The following ZSWIM3 variants were observed in gnomAD, a reference collection of about 807,000 sequenced individuals.
ZSWIM3 encodes the protein zinc finger SWIM domain-containing protein 3.
Under a neutral mutation model 47.5 loss-of-function variants are expected in ZSWIM3, and 27 were observed. The observed-to-expected ratio is 0.57, with a 90% CI of 0.42 to 0.78. ZSWIM3 has a LOEUF of 0.78. ZSWIM3 is among the 30% of genes least tolerant of loss of function. The probability of loss-of-function intolerance (pLI) is 0.00; values close to 1 mark genes in which losing one functional copy is unlikely to be tolerated. For synonymous variants in ZSWIM3, 333 were observed against 333.9 expected (o/e 1.00, Z 0.03); for missense variants, 689 against 861.3 (o/e 0.80, Z 2.50).
Position 45,869,081 on chromosome 20 carries a change from C to T in ZSWIM3, c.156-7633C>T, listed in dbSNP as rs372274339. On this transcript the variant is annotated intron_variant, in intron 1 of 1. Transcript: ENST00000255152. ...CCTCCCAAAGTGCTGGGATTACAGGCGTCAGCCACTGTGCCCGGCCCTGCT... is the reference window on the plus strand; with the variant it reads ...CCTCCCAAAGTGCTGGGATTACAGGTGTCAGCCACTGTGCCCGGCCCTGCT... Among the ~76,000 whole-genome samples the T allele has an allele frequency of 3.5e-4, 53 of 152,188 alleles. No homozygotes were observed. The East Asian group carries it at 4.8e-3, about 14-fold the overall frequency.
At chr20:45,858,147 C>A (rs1044794595) in intron 1 of ZSWIM3, among the ~76,000 whole-genome samples, 167 bp downstream of exon 1, 7 of 152,200 alleles carry the variant, frequency 4.6e-5, no homozygotes, top group African/African-American at 1.7e-4. Context: ...GAGAGCTAAG[C>A]CTCCACGGCC....
intron 1 of ZSWIM3, among the ~76,000 whole-genome samples, chr20:45,859,438 A>AAAAG (rs71181868): frequency 0.033 from 4,838 of 146,632 alleles, 162 homozygotes; most frequent in African/African-American, 0.077. Context: ...AAAAAAAAAA[A>AAAAG]AAGAAATGTA....
intron 1 of ZSWIM3, chr20:45,872,706 G>A (rs1352948543): frequency 1.6e-6 from 2 of 1,287,218 alleles, no homozygotes; most frequent in Admixed American, 4.7e-5. Context: ...CAAGGCTGGA[G>A]AGACAAGCGG....
chr20:45,878,463 G>T lies in ZSWIM3; in HGVS notation c.1905G>T (p.Gly635=). 1.9e-6 allele frequency: 3 copies of T among 1,614,222 alleles called. No individual in the cohort carries two copies. The highest frequency in any genetic ancestry group is 2.2e-5 in the East Asian group (1 of 44,888). Residue 635 remains glycine, a synonymous_variant, in exon 2 of 2, where the codon GGG becomes GGT. Coordinates refer to ENST00000255152, the MANE Select transcript of ZSWIM3 (RefSeq NM_080752.4). ...ELANLLMQTE[G]PELEERYSTL... ...CAAACCTGCTCATGCAGACCGAGGG[G>T]CCAGAGCTGGAGGAACGCTACTCCA...
Position 45,877,866 on chromosome 20 carries a change from A to C in ZSWIM3, c.1308A>C (p.Thr436=). Reference sequence around the variant, plus strand: ...CCAAAGGCTTGAAGAACTTGCCCACACCTCCTCCCAAATTAAAGAGAGCTC... The same window carrying C: ...CCAAAGGCTTGAAGAACTTGCCCACCCCTCCTCCCAAATTAAAGAGAGCTC... ...FNTKGLKNLP[T]PPPKLKRARP... is the part of the protein sequence containing the mutation. Residue 436 remains threonine, a synonymous_variant, in exon 2 of 2, where the codon ACA becomes ACC. Transcript: ENST00000255152. The C allele has an allele frequency of 6.2e-7, 1 of 1,613,922 alleles. No homozygotes were observed. Among genetic ancestry groups the C allele is most frequent in the Non-Finnish European group, 8.5e-7 (1 of 1,179,998 alleles).
chr20:45,857,935 G>A lies in ZSWIM3; in HGVS notation c.110G>A (p.Arg37His), dbSNP rs759996262. 3 of 1,396,680 alleles carry A rather than the reference G, an allele frequency of 2.1e-6. No homozygotes were observed. Among genetic ancestry groups the A allele is most frequent in the Non-Finnish European group, 2.9e-6 (3 of 1,049,414 alleles). The allele number at this position is 1,396,680 out of a possible 1,614,324, so 86.5% of individuals were successfully genotyped here. The part of the protein sequence containing the change: ...SFILRDCVSV[R>H]FHNLNHGTSI... ...ATTCTCAGGGACTGCGTCTCCGTCC[G>A]CTTCCACAACCTCAACCATGGCACC... is the stretch of plus-strand genomic sequence containing the variant. The change falls in exon 1 of 2, where the codon CGC becomes CAC. Residue 37 changes from arginine to histidine, a missense_variant. Coordinates refer to ENST00000255152, the MANE Select transcript of ZSWIM3 (RefSeq NM_080752.4).
chr20:45,867,525 A>C (rs1985876490), intron 1 of ZSWIM3, among the ~76,000 whole-genome samples: 1 of 152,188 alleles, frequency 6.6e-6, no homozygotes, highest in African/African-American at 2.4e-5. Context: ...GCTGACAAGG[A>C]TGTAAAGCTT....
At chr20:45,861,855 T>G (rs1260976167) in intron 1 of ZSWIM3, among the ~76,000 whole-genome samples, 1 of 151,810 alleles carries the variant, frequency 6.6e-6, no homozygotes, top group Non-Finnish European at 1.5e-5. Context: ...AGTGTTGGGA[T>G]TACAGATATG....
Position 45,857,757 on chromosome 20 carries a change from C to A in ZSWIM3, c.-69C>A, listed in dbSNP as rs905931150. ...CTGCCTATAAACCCTCATAGTGTGA[C>A]CTTTGACCCCTGGTGTGATCTTGGG... On this transcript the variant is annotated 5_prime_UTR_variant, in exon 1 of 2. Coordinates refer to ENST00000255152, the MANE Select transcript of ZSWIM3 (RefSeq NM_080752.4). 6.4e-7 allele frequency: 1 copy of A among 1,568,512 alleles called. No homozygotes were observed.
At position 45,878,449 on chromosome 20, in the gene ZSWIM3, A is replaced by G. The variant is rs773156129; in HGVS notation, c.1891A>G (p.Met631Val). 1.9e-6 allele frequency: 3 copies of G among 1,614,096 alleles called. No homozygotes were observed. The highest frequency in any genetic ancestry group is 4.5e-5 in the East Asian group (2 of 44,896). The change falls in exon 2 of 2, where the codon ATG (methionine) becomes GTG (valine). Residue 631 changes from methionine (M) to valine (V), a missense_variant. By Grantham distance (21) the Met-to-Val change is conservative (BLOSUM62 1). Coordinates refer to ENST00000255152, the MANE Select transcript of ZSWIM3 (RefSeq NM_080752.4). ...DLSRELANLL[M>V]QTEGPELEER... ...AAGCAGGGAGTTAGCAAACCTGCTC[A>G]TGCAGACCGAGGGGCCAGAGCTGGA...
intron 1 of ZSWIM3, among the ~76,000 whole-genome samples, chr20:45,861,324 G>A (rs111652299): frequency 1.1e-4 from 16 of 152,154 alleles, no homozygotes; most frequent in African/African-American, 3.6e-4. Context: ...GCTGCGGCAG[G>A]AGGATTGCTT....
At chr20:45,869,967 C>G (rs6130957) in intron 1 of ZSWIM3, among the ~76,000 whole-genome samples, 76,960 of 149,392 alleles carry the variant, frequency 0.52, 20,373 homozygotes, top group Admixed American at 0.6. Flanking sequence ...TCGCTGGAAC[C>G]CAGGAGGCGG....
In ZSWIM3 at chr20:45,877,971, G is replaced by T; in HGVS notation, c.1413G>T (p.Glu471Asp). The T allele has an allele frequency of 1.2e-6, 2 of 1,614,154 alleles. No homozygotes were observed. The highest frequency in any genetic ancestry group is 1.7e-6 in the Non-Finnish European group (2 of 1,180,050). ...GESLTSLPAE[E>D]TKPDAQQVQV... is the part of the protein sequence containing the mutation. ...GCCTTACCAGCCTCCCTGCAGAAGA[G>T]ACCAAGCCAGACGCACAGCAGGTAC... The change falls in exon 2 of 2, where the codon GAG becomes GAT. Residue 471 changes from glutamate to aspartate, a missense_variant. By Grantham distance (45) the Glu-to-Asp change is conservative. Coordinates refer to ENST00000255152, the MANE Select transcript of ZSWIM3 (RefSeq NM_080752.4).
chr20:45,876,535 C>G (rs1377308213), intron 1 of ZSWIM3, among the ~76,000 whole-genome samples, 179 bp from the exon 2 acceptor site: 1 of 151,894 alleles, frequency 6.6e-6, no homozygotes, highest in Non-Finnish European at 1.5e-5. Context: ...GCCAGGGTCT[C>G]TCCATGTTGC....
intron 1 of ZSWIM3, 120 bp from the exon 2 acceptor site, chr20:45,876,594 C>T (rs775749507): frequency 7.2e-6 from 9 of 1,250,076 alleles, no homozygotes; most frequent in Non-Finnish European, 8.8e-6. Context: ...CCACCTCAGC[C>T]TCCCAAAGTG....
chr20:45,866,511 AT>A (rs1274442850), intron 1 of ZSWIM3, among the ~76,000 whole-genome samples: 1 of 151,692 alleles, frequency 6.6e-6, no homozygotes, highest in South Asian at 2.1e-4. Flanking sequence ...TGTGGGGATG[AT>A]TAAGGAAATT....
Position 45,877,933 on chromosome 20 carries a change from A to G in ZSWIM3, c.1375A>G (p.Ile459Val). Residue 459 changes from isoleucine (I) to valine (V), a missense_variant, in exon 2 of 2, where the codon ATC becomes GTC. Coordinates refer to ENST00000255152, the MANE Select transcript of ZSWIM3 (RefSeq NM_080752.4). ...ACTGAAGTCCAAGAAGGCTTTTGGA[A>G]TCTGTGGAGAGAGCCTTACCAGCCT... ...MPLKSKKAFG[I>V]CGESLTSLPA... The G allele has an allele frequency of 3.7e-6, 6 of 1,614,184 alleles. No individual in the cohort carries two copies. The highest frequency in any genetic ancestry group is 5.1e-6 in the Non-Finnish European group (6 of 1,180,044).
intron 1 of ZSWIM3, among the ~76,000 whole-genome samples, chr20:45,873,741 G>C (rs1161604089): frequency 2.6e-5 from 4 of 152,212 alleles, no homozygotes. Context: ...AGTAGAGCCA[G>C]TATTCAAATC....
chr20:45,869,053 C>T (rs1027564573), intron 1 of ZSWIM3, among the ~76,000 whole-genome samples: 5 of 152,086 alleles, frequency 3.3e-5, no homozygotes, highest in East Asian at 1.9e-4. Context: ...CCACCCGCCT[C>T]GGCCTCCCAA....
Sources: allele counts gnomAD v4.1 joint callset (sites outside exome capture counted in the v4.1 genomes callset), GRCh38; gene constraint gnomAD v4.1.1; transcripts MANE v1.5; gene names NCBI Gene and HGNC (gene_info 2026-07-23, HGNC 2026-07-21).